The following FMNL2 variants were observed in gnomAD, a reference collection of about 807,000 sequenced individuals.
The protein encoded by FMNL2 is formin like 2.
Under a neutral mutation model 130.2 loss-of-function variants are expected in FMNL2, and 51 were observed. The ratio of observed to expected loss-of-function variants is 0.39; its 90% CI spans 0.31 to 0.49. The LOEUF (loss-of-function observed/expected upper bound fraction) is 0.49, where lower values mean the gene tolerates loss of function less well. Among genes scored for constraint, FMNL2 ranks in the 20% least tolerant of loss-of-function variants. The pLI is 0.85. For missense variants in FMNL2, 977 were observed against 1,316.2 expected, an observed-to-expected ratio of 0.74 and a Z score of 3.99; for synonymous variants, 465 against 467.1, an observed-to-expected ratio of 1.00 and a Z score of 0.06.
chr2:152,600,335 G>A (rs529744493), intron 9 of FMNL2, among the ~76,000 whole-genome samples: 2 of 152,162 alleles, frequency 1.3e-5, no homozygotes, highest in Non-Finnish European at 2.9e-5. Context: ...TAAGCAAAGG[G>A]CCTTTAATTT....
chr2:152,594,407 T>C (rs1040116225), intron 9 of FMNL2, among the ~76,000 whole-genome samples: 1 of 152,210 alleles, frequency 6.6e-6, no homozygotes, highest in African/African-American at 2.4e-5. Context: ...AGAGCAACAA[T>C]CCTAAAAGAG....
intron 1 of FMNL2, among the ~76,000 whole-genome samples, chr2:152,428,378 G>A (rs952759087): frequency 8.5e-5 from 13 of 152,166 alleles, no homozygotes; most frequent in Non-Finnish European, 1.3e-4. Context: ...AAACAAAGGG[G>A]CAGCTGTAGT....
chr2:152,627,232 T>C (rs1681853073), intron 17 of FMNL2, among the ~76,000 whole-genome samples: 1 of 152,230 alleles, frequency 6.6e-6, no homozygotes. Flanking sequence ...ATATTTTAAT[T>C]CGTAACAACA....
chr2:152,566,372 G>A (rs544622158), intron 6 of FMNL2, among the ~76,000 whole-genome samples: 2 of 152,162 alleles, frequency 1.3e-5, no homozygotes, highest in Non-Finnish European at 2.9e-5. Flanking sequence ...GGCCTCGGGG[G>A]ATTTGCTGTT....
At chr2:152,435,674 T>C (rs150569530) in intron 1 of FMNL2, among the ~76,000 whole-genome samples, 28 of 152,248 alleles carry the variant, frequency 1.8e-4, no homozygotes, top group African/African-American at 6.5e-4. Context: ...CTCTTGAATA[T>C]AGAGATTCTA....
chr2:152,641,458 A>G (rs939564355), intron 25 of FMNL2, among the ~76,000 whole-genome samples: 1 of 152,232 alleles, frequency 6.6e-6, no homozygotes, highest in Non-Finnish European at 1.5e-5. Flanking sequence ...CCTCGAACCA[A>G]TTCTCCCAAA....
intron 1 of FMNL2, among the ~76,000 whole-genome samples, chr2:152,379,257 G>A (rs951427267): frequency 1.3e-5 from 2 of 152,204 alleles, no homozygotes; most frequent in East Asian, 1.9e-4. Flanking sequence ...GGATGTGGAA[G>A]CTAGGGATGC....
At chr2:152,486,853 T>A (rs1690854516) in intron 1 of FMNL2, among the ~76,000 whole-genome samples, 1 of 152,246 alleles carries the variant, frequency 6.6e-6, no homozygotes, top group Non-Finnish European at 1.5e-5. Context: ...CCTTGTTAGT[T>A]ACGTAATCCT....
At chr2:152,405,776 C>G (rs1685948393) in intron 1 of FMNL2, among the ~76,000 whole-genome samples, 2 of 152,160 alleles carry the variant, frequency 1.3e-5, no homozygotes, top group Admixed American at 1.3e-4. Context: ...ATTCCTGGTT[C>G]TGGGTCTTTG....
intron 1 of FMNL2, among the ~76,000 whole-genome samples, chr2:152,517,490 A>G (rs973619556): frequency 6.6e-6 from 1 of 152,162 alleles, no homozygotes; most frequent in Non-Finnish European, 1.5e-5. Flanking sequence ...GGTACAGTGT[A>G]CTAGGTGTTA....
At chr2:152,568,109 A>G (rs1695955539) in intron 6 of FMNL2, among the ~76,000 whole-genome samples, 1 of 152,234 alleles carries the variant, frequency 6.6e-6, no homozygotes, top group Admixed American at 6.5e-5. Context: ...CTCACATACT[A>G]GAATAAGTCT....
At chr2:152,531,457 T>C (rs1693685624) in intron 2 of FMNL2, among the ~76,000 whole-genome samples, 1 of 147,488 alleles carries the variant, frequency 6.8e-6, no homozygotes, top group Non-Finnish European at 1.5e-5. Context: ...TTATGCTAAA[T>C]GTAAAATCAA....
intron 11 of FMNL2, 87 bp from the exon 12 acceptor site, chr2:152,614,764 A>AAACAAAACAAAACAAAAC: frequency 1.4e-6 from 2 of 1,383,880 alleles, no homozygotes; most frequent in Non-Finnish European, 1.9e-6. Flanking sequence ...AAACAAAACA[A>AAACAAAACAAAACAAAAC]AAAACAAAAA....
chr2:152,559,705 G>A (rs1193416283), intron 5 of FMNL2, among the ~76,000 whole-genome samples: 2 of 152,162 alleles, frequency 1.3e-5, no homozygotes, highest in Non-Finnish European at 2.9e-5. Flanking sequence ...CTGTAGAGTA[G>A]CCTAGCGAGG....
intron 1 of FMNL2, among the ~76,000 whole-genome samples, chr2:152,437,779 C>T (rs1161292856): frequency 6.6e-6 from 1 of 152,200 alleles, no homozygotes; most frequent in Non-Finnish European, 1.5e-5. Flanking sequence ...CTTGGGCAGT[C>T]TTCAAGCACA....
intron 1 of FMNL2, among the ~76,000 whole-genome samples, chr2:152,453,684 T>C (rs1306966127): frequency 3.9e-5 from 6 of 152,220 alleles, no homozygotes; most frequent in Non-Finnish European, 7.3e-5. Flanking sequence ...GACTGAGCTA[T>C]CTGTTAAGGT....
intron 1 of FMNL2, among the ~76,000 whole-genome samples, chr2:152,423,045 T>A (rs969154077): frequency 6.6e-6 from 1 of 152,238 alleles, no homozygotes; most frequent in Non-Finnish European, 1.5e-5. Context: ...TTTTTTATTT[T>A]AATTTTTGTG....
At chr2:152,415,560 AT>A (rs2106019154) in intron 1 of FMNL2, among the ~76,000 whole-genome samples, 1 of 152,318 alleles carries the variant, frequency 6.6e-6, no homozygotes, top group South Asian at 2.1e-4. Context: ...GAATCTAGGC[AT>A]ACCTCAGGTA....
intron 23 of FMNL2, 116 bp from the exon 24 acceptor site, chr2:152,639,835 TTCTCAAC>T: frequency 1.3e-6 from 1 of 794,876 alleles, no homozygotes; most frequent in Non-Finnish European, 2.0e-6. Flanking sequence ...AGTGTAGATC[TTCTCAAC>T]CTTCCATTTA....
Sources: gnomAD v4.1 joint callset for allele counts (sites outside exome capture counted in the v4.1 genomes callset) on GRCh38, gnomAD v4.1.1 for gene constraint, MANE v1.5 for transcripts, NCBI Gene and HGNC (gene_info 2026-07-23, HGNC 2026-07-21) for gene names.